The following MKNK2 variants were observed in gnomAD, a reference collection of about 807,000 sequenced individuals.
The protein encoded by MKNK2 is MAPK interacting serine/threonine kinase 2, also known as MAP kinase-interacting serine/threonine-protein kinase 2.
In MKNK2, 54 loss-of-function variants were observed where a neutral mutation model predicts 55.0. The observed-to-expected ratio is 0.98, with a 90% CI of 0.79 to 1.23. MKNK2 has a LOEUF of 1.23. Among genes scored for constraint, MKNK2 ranks in the 50% most tolerant of loss-of-function variants. The probability of loss-of-function intolerance (pLI) is 0.00; values close to 1 mark genes in which losing one functional copy is unlikely to be tolerated. For missense variants in MKNK2, 685 were observed against 632.1 expected (o/e 1.08, Z -0.90); for synonymous variants, 323 against 256.0 (o/e 1.26, Z -2.50).
chr19:2,037,920 G>A lies in MKNK2; in HGVS notation c.*1693C>T. ...GGCTATGGGCGCCTGCAGCGGGCGG[G>A]GGTCCATTTGCTTGTTCTTTGATAC... On this transcript the variant is annotated 3_prime_UTR_variant, in exon 14 of 14. Transcript: ENST00000250896. 7.2e-7 allele frequency: 1 copy of A among 1,396,912 alleles called. No homozygotes were observed. 86.5% of individuals were successfully genotyped at this position (1,396,912 alleles called of 1,614,324 possible).
At chr19:2,042,577 C>T (rs980272034) in intron 9 of MKNK2, 30 bp downstream of exon 9, 1 of 1,571,096 alleles carries the variant, frequency 6.4e-7, no homozygotes, top group South Asian at 1.2e-5. Flanking sequence ...CCACCCCTCC[C>T]GCGGGGCCAC....
chr19:2,051,244 G>T lies in MKNK2; in HGVS notation c.-245C>A, dbSNP rs937003015. ...TGGGCCACCGCCGCTGAGAGGAGCCGGGCGCGTCGCCGCCGCCGCCACCTT... is the reference window on the plus strand; with the variant it reads ...TGGGCCACCGCCGCTGAGAGGAGCCTGGCGCGTCGCCGCCGCCGCCACCTT... On this transcript the variant is annotated 5_prime_UTR_variant, in exon 1 of 14. Transcript: ENST00000250896. 1 of 136,836 alleles carries T rather than the reference G, an allele frequency of 7.3e-6. No homozygotes were observed. Among genetic ancestry groups the T allele is most frequent in the East Asian group, 2.3e-4 (1 of 4,428 alleles). The allele number at this position is 136,836 out of a possible 1,614,324, so 8.5% of individuals were successfully genotyped here.
chr19:2,041,317 C>A (rs758952911), intron 11 of MKNK2, 113 bp from the exon 12 acceptor site: 19 of 1,107,656 alleles, frequency 1.7e-5, no homozygotes, highest in Non-Finnish European at 2.3e-5. Flanking sequence ...CCCTAGACCA[C>A]GCACGCCTGG....
rs2017005832 is a variant in MKNK2, at chr19:2,046,621, T to C, written c.122A>G (p.Gln41Arg). 4 of 1,569,168 alleles carry C rather than the reference T, an allele frequency of 2.5e-6. No homozygotes were observed. The South Asian group carries it at 3.5e-5, about 14-fold the overall frequency. The change falls in exon 3 of 14, where the codon CAG becomes CGG. Residue 41 changes from glutamine (Q) to arginine (R), a missense_variant. Coordinates refer to ENST00000250896, the MANE Select transcript of MKNK2 (RefSeq NM_199054.3). ...PDHGDSDFGL[Q>R]CSARPDMPAS... ...CCCCTCACCAGGGCGGGCTGAGCAC[T>C]GCAGGCCAAAGTCAGAGTCTCCGTG...
chr19:2,044,266 C>T (rs537419065), intron 5 of MKNK2, among the ~76,000 whole-genome samples: 1 of 152,340 alleles, frequency 6.6e-6, no homozygotes, highest in African/African-American at 2.4e-5. Context: ...GCACCAAGTC[C>T]TGCTCCCCAG....
Position 2,041,938 on chromosome 19 carries a change from C to T in MKNK2, c.847G>A (p.Val283Ile). 1.9e-6 allele frequency: 3 copies of T among 1,554,350 alleles called. No individual in the cohort carries two copies. Among genetic ancestry groups the T allele is most frequent in the Admixed American group, 1.9e-5 (1 of 51,394 alleles). ...DKRCDLWSLG[V>I]ILYILLSGYP... is the part of the protein sequence containing the mutation. ...CCGCTGAGTAGGATATACAAGATGA[C>T]GCCCAGGCTCCACAGGTCGCAGCGC... The change falls in exon 11 of 14, where the codon GTC becomes ATC. Residue 283 changes from valine to isoleucine, a missense_variant. Physicochemically the swap from Val to Ile is conservative, Grantham distance 29 (BLOSUM62 3). Transcript: ENST00000250896.
Position 2,039,210 on chromosome 19 carries a change from G to C in MKNK2, c.*403C>G. On this transcript the variant is annotated 3_prime_UTR_variant, in exon 14 of 14. Coordinates refer to ENST00000250896, the MANE Select transcript of MKNK2 (RefSeq NM_199054.3). ...GGGTCCTGTGCCCCTCCCCAGCTCT[G>C]CAAGATGGCAAACGCTGTGGGCCTG... The C allele has an allele frequency of 9.6e-7, 1 of 1,040,802 alleles. No individual in the cohort carries two copies. Among genetic ancestry groups the C allele is most frequent in the Non-Finnish European group, 1.2e-6 (1 of 863,614 alleles). The allele number at this position is 1,040,802 out of a possible 1,614,324, so 64.5% of individuals were successfully genotyped here.
intron 2 of MKNK2, among the ~76,000 whole-genome samples, chr19:2,049,591 C>T (rs1298365195): frequency 6.6e-6 from 1 of 152,184 alleles, no homozygotes; most frequent in East Asian, 1.9e-4. Flanking sequence ...AGTCAGCAGG[C>T]CTTGGCAGGA....
At position 2,045,795 on chromosome 19, in the gene MKNK2, G is replaced by T. The variant is rs532425243; in HGVS notation, c.339+391C>A. Among the ~76,000 whole-genome samples the T allele has an allele frequency of 1.4e-4, 21 of 152,338 alleles. No homozygotes were observed. In the South Asian group the frequency reaches 4.3e-3, roughly 32 times the overall value. On this transcript the variant is annotated intron_variant, in intron 5 of 13. Transcript: ENST00000250896. ...TCCCAGCCCTTCGGCCACACCCTGG[G>T]TCCAGCAGCCGCCCAGGGCTAGAGT...
chr19:2,049,015 G>T (rs889980180), intron 2 of MKNK2, among the ~76,000 whole-genome samples: 1 of 152,198 alleles, frequency 6.6e-6, no homozygotes, highest in Non-Finnish European at 1.5e-5. Flanking sequence ...GGGAGCTCAC[G>T]AGAGTGAAAT....
chr19:2,041,988 C>T lies in MKNK2; in HGVS notation c.797G>A (p.Ser266Asn). The change falls in exon 11 of 14, where the codon AGC becomes AAC. Residue 266 changes from serine to asparagine, a missense_variant. Coordinates refer to ENST00000250896, the MANE Select transcript of MKNK2 (RefSeq NM_199054.3). ...CTTGTCGTAGATGCTAGCCTCCTCGCTGAAGGCCTCCACTACCTCCGGGGC... is the reference window on the plus strand; with the variant it reads ...CTTGTCGTAGATGCTAGCCTCCTCGTTGAAGGCCTCCACTACCTCCGGGGC... Reference protein sequence around the residue: ...YMAPEVVEAFSEEASIYDKRC... With the variant: ...YMAPEVVEAFNEEASIYDKRC... The T allele has an allele frequency of 6.4e-7, 1 of 1,557,558 alleles. No homozygotes were observed.
In MKNK2 at chr19:2,046,170, C is replaced by T. The variant is rs764736030; in HGVS notation, c.339+16G>A. 43 of 1,606,164 alleles carry T rather than the reference C, an allele frequency of 2.7e-5. No individual in the cohort carries two copies. Among genetic ancestry groups the T allele is most frequent in the South Asian group, 5.5e-5 (5 of 91,046 alleles). ...TCCCAAGGCGCTGGGTTCCCCAGGG[C>T]GCGGCGCGGGCCCACCTTGACGGCG... is the stretch of plus-strand genomic sequence containing the variant. On this transcript the variant is annotated intron_variant, in intron 5 of 13. Coordinates refer to ENST00000250896, the MANE Select transcript of MKNK2 (RefSeq NM_199054.3).
At chr19:2,049,292 G>C (rs2017063363) in intron 2 of MKNK2, among the ~76,000 whole-genome samples, 1 of 152,240 alleles carries the variant, frequency 6.6e-6, no homozygotes, top group South Asian at 2.1e-4. Flanking sequence ...CCTCCCTGCT[G>C]GGCTGCTGCC....
chr19:2,038,632 C>T lies in MKNK2; in HGVS notation c.*981G>A, dbSNP rs763447149. 18 of 985,306 alleles carry T rather than the reference C, an allele frequency of 1.8e-5. No individual in the cohort carries two copies. Among genetic ancestry groups the T allele is most frequent in the Middle Eastern group, 5.2e-4 (1 of 1,936 alleles). 61.0% of individuals were successfully genotyped at this position (985,306 alleles called of 1,614,324 possible). ...CTGGGCTCAGCTCTAAGGACAAGGA[C>T]GGAGCTGACGGAGCTTCCAGGTCAG... On this transcript the variant is annotated 3_prime_UTR_variant, in exon 14 of 14. Coordinates refer to ENST00000250896, the MANE Select transcript of MKNK2 (RefSeq NM_199054.3).
chr19:2,041,896 C>T lies in MKNK2; in HGVS notation c.889G>A (p.Gly297Ser). 2 of 1,544,750 alleles carry T rather than the reference C, an allele frequency of 1.3e-6. No individual in the cohort carries two copies. The highest frequency in any genetic ancestry group is 1.7e-6 in the Non-Finnish European group (2 of 1,144,306). Residue 297 changes from glycine to serine, a missense_variant, in exon 11 of 14, where the codon GGC (glycine) becomes AGC (serine). Physicochemically the swap from Gly to Ser is moderately conservative, Grantham distance 56. Coordinates refer to ENST00000250896, the MANE Select transcript of MKNK2 (RefSeq NM_199054.3). ...CAGCCGCAGTCGCTGCCACAGCGGC[C>T]CACGAAGGGCGGGTAGCCGCTGAGT... ...ILLSGYPPFV[G>S]RCGSDCGWDR...
chr19:2,037,665 T>TTTAAA lies in MKNK2; in HGVS notation c.*1947_*1948insTTTAA. 1.1e-6 allele frequency: 1 copy of TTTAAA among 907,274 alleles called. No homozygotes were observed. The highest frequency in any genetic ancestry group is 1.5e-6 in the Non-Finnish European group (1 of 653,364). The allele number at this position is 907,274 out of a possible 1,614,324, so 56.2% of individuals were successfully genotyped here. ...TTTTTTTTGTCTTTTAAAAACATCG[T>TTTAAA]AACATTAACACATGGCCGTTCACCG... On this transcript the variant is annotated 3_prime_UTR_variant, in exon 14 of 14. Transcript: ENST00000250896.
chr19:2,041,714 T>C, intron 11 of MKNK2, 126 bp downstream of exon 11: 1 of 696,518 alleles, frequency 1.4e-6, no homozygotes. Context: ...GGTTAGGGGG[T>C]GGTCAGGGGG....
At chr19:2,049,173 C>T (rs1178172099) in intron 2 of MKNK2, among the ~76,000 whole-genome samples, 3 of 152,234 alleles carry the variant, frequency 2.0e-5, no homozygotes, top group Admixed American at 6.5e-5. Context: ...CGAGACTCCG[C>T]GGCCTCCTCG....
At position 2,041,472 on chromosome 19, in the gene MKNK2, C is replaced by T. The variant is rs552115803; in HGVS notation, c.946-268G>A. Among the ~76,000 whole-genome samples, 11 of 152,224 alleles carry T rather than the reference C, an allele frequency of 7.2e-5. No homozygotes were observed. The East Asian group carries it at 2.1e-3, about 29-fold the overall frequency. The stretch of plus-strand genomic sequence containing the variant: ...TTAAGCCGCGGGCAGGGAGCCTGAG[C>T]CTGATCCCCCCAAACCAGGGGCCTC... On this transcript the variant is annotated intron_variant, in intron 11 of 13. Coordinates refer to ENST00000250896, the MANE Select transcript of MKNK2 (RefSeq NM_199054.3).
Sources: gnomAD v4.1 joint callset for allele counts (sites outside exome capture counted in the v4.1 genomes callset) on GRCh38, gnomAD v4.1.1 for gene constraint, MANE v1.5 for transcripts, NCBI Gene and HGNC (gene_info 2026-07-23, HGNC 2026-07-21) for gene names.